IGFL2: variants seen among roughly 807,000 people sequenced by gnomAD.
The protein encoded by IGFL2 is IGF like family member 2, also known as insulin growth factor-like family member 2.
Under a neutral mutation model 13.9 loss-of-function variants are expected in IGFL2, and 7 were observed. The ratio of observed to expected loss-of-function variants is 0.51; its 90% CI spans 0.29 to 0.95. The LOEUF is 0.95. Among genes scored for constraint, IGFL2 ranks in the 40% least tolerant of loss-of-function variants. The pLI, the probability that IGFL2 is intolerant of heterozygous loss-of-function variation, is 0.08. For missense variants in IGFL2, 138 were observed against 147.8 expected (o/e 0.93, Z 0.34); for synonymous variants, 55 against 55.8 (o/e 0.99, Z 0.07).
the IGFL2 span, among the ~76,000 whole-genome samples, chr19:46,166,341 A>G: frequency 2.0e-5 from 3 of 152,088 alleles, no homozygotes; most frequent in African/African-American, 7.2e-5. Flanking sequence ...AAAACCAGCA[A>G]GTTTTTATTA....
the IGFL2 span, among the ~76,000 whole-genome samples, chr19:46,090,242 C>A: frequency 2.0e-5 from 3 of 152,288 alleles, no homozygotes; most frequent in African/African-American, 7.2e-5. Flanking sequence ...CTTATTCTAG[C>A]CACTTACTGT....
At chr19:46,086,160 T>G in the IGFL2 span, among the ~76,000 whole-genome samples, 1 of 152,132 alleles carries the variant, frequency 6.6e-6, no homozygotes, top group Admixed American at 6.5e-5. Flanking sequence ...AGAATTTATC[T>G]TTGGTTCTCT....
At chr19:46,141,547 C>G (rs1171569938), upstream of IGFL2, among the ~76,000 whole-genome samples, 2 of 152,154 alleles carry the variant, frequency 1.3e-5, no homozygotes, top group African/African-American at 4.8e-5. Flanking sequence ...GCCTTTCCCT[C>G]TAGCACCTTC....
chr19:46,164,341 C>G (rs544728086), downstream of IGFL2: 2 of 152,374 alleles, frequency 1.3e-5, no homozygotes, highest in East Asian at 3.9e-4. Context: ...GGTGGAGCAG[C>G]TGTGCTGTGC....
At chr19:46,167,858 G>A in the IGFL2 span, among the ~76,000 whole-genome samples, 2 of 152,180 alleles carry the variant, frequency 1.3e-5, no homozygotes, top group Admixed American at 6.5e-5. Flanking sequence ...CTGTCTGCAG[G>A]CCAGAAAGAG....
chr19:46,120,524 T>C, the IGFL2 span, among the ~76,000 whole-genome samples: 61 of 151,020 alleles, frequency 4.0e-4, 1 homozygote, highest in Admixed American at 1.9e-3. Context: ...AGCAGGAAGA[T>C]AGGACACCAC....
chr19:46,137,627 G>A, the IGFL2 span: 1 of 856,494 alleles, frequency 1.2e-6, no homozygotes, highest in Non-Finnish European at 1.9e-6. Flanking sequence ...CAGAGGAGCA[G>A]GACCCTGCGT....
chr19:46,092,544 A>G, the IGFL2 span, among the ~76,000 whole-genome samples: 2 of 152,036 alleles, frequency 1.3e-5, no homozygotes, highest in East Asian at 3.9e-4. Flanking sequence ...AGGTGGGAGA[A>G]TCACTTGAAC....
the IGFL2 span, among the ~76,000 whole-genome samples, chr19:46,175,648 C>T: frequency 6.6e-6 from 1 of 152,046 alleles, no homozygotes; most frequent in Non-Finnish European, 1.5e-5. Context: ...AAGTGATTCT[C>T]CTGCCTCAGC....
the IGFL2 span, among the ~76,000 whole-genome samples, chr19:46,130,340 A>G: frequency 6.6e-6 from 1 of 152,300 alleles, no homozygotes; most frequent in Non-Finnish European, 1.5e-5. Flanking sequence ...TCCTGAACTA[A>G]GTGGGTGAAG....
At chr19:46,082,649 A>G in the IGFL2 span, among the ~76,000 whole-genome samples, 1 of 149,394 alleles carries the variant, frequency 6.7e-6, no homozygotes, top group East Asian at 2.0e-4. Flanking sequence ...TTTTTTGAAG[A>G]CACTCCACTC....
the IGFL2 span, among the ~76,000 whole-genome samples, chr19:46,092,649 A>T: frequency 1.6e-4 from 24 of 145,870 alleles, no homozygotes; most frequent in African/African-American, 5.3e-4. Flanking sequence ...CAAAAAAAAA[A>T]TTTTTTTTTT....
At chr19:46,172,346 G>A in the IGFL2 span, among the ~76,000 whole-genome samples, 1 of 152,110 alleles carries the variant, frequency 6.6e-6, no homozygotes, top group African/African-American at 2.4e-5. Flanking sequence ...TAAAACATGG[G>A]AAAATGATAA....
rs1974152999 is a variant in IGFL2, at chr19:46,161,272, A to G, written c.*184A>G. The G allele has an allele frequency of 1.7e-6, 1 of 580,676 alleles. No homozygotes were observed. The highest frequency in any genetic ancestry group is 3.0e-5 in the Admixed American group (1 of 33,250). The allele number at this position is 580,676 out of a possible 1,614,324, so 36.0% of individuals were successfully genotyped here. On this transcript the variant is annotated 3_prime_UTR_variant, in exon 4 of 4. Coordinates refer to ENST00000377693, the MANE Select transcript of IGFL2 (RefSeq NM_001135113.2). ...CAGTAGATTATCAGGAAATAAATAAAGTGGTTTTTCCAATGTACACACCTG... is the reference window on the plus strand; with the variant it reads ...CAGTAGATTATCAGGAAATAAATAAGGTGGTTTTTCCAATGTACACACCTG...
the IGFL2 span, chr19:46,181,201 A>C: frequency 3.2e-5 from 1 of 30,850 alleles, no homozygotes; most frequent in African/African-American, 5.6e-5. Context: ...TTTCTGTTTT[A>C]TTTATTTATT....
At chr19:46,124,750 T>A in the IGFL2 span, 1 of 1,005,920 alleles carries the variant, frequency 9.9e-7, no homozygotes. Context: ...GTAAGTTTAC[T>A]GATTGGATGG....
chr19:46,085,558 G>T, the IGFL2 span, among the ~76,000 whole-genome samples: 1 of 152,044 alleles, frequency 6.6e-6, no homozygotes, highest in African/African-American at 2.4e-5. Flanking sequence ...GTATACAGTT[G>T]GGTCTTGCTT....
the IGFL2 span, among the ~76,000 whole-genome samples, chr19:46,105,993 G>T: frequency 6.6e-6 from 1 of 152,056 alleles, no homozygotes; most frequent in Non-Finnish European, 1.5e-5. Flanking sequence ...GGATTTATGG[G>T]GTCAGCTAAG....
At chr19:46,079,488 C>T in the IGFL2 span, among the ~76,000 whole-genome samples, 1,256 of 152,282 alleles carry the variant, frequency 8.2e-3, 18 homozygotes, top group African/African-American at 0.029. Context: ...CCTGTTTGCA[C>T]CCCTATAGCC....
Sources: gnomAD v4.1 joint callset for allele counts (sites outside exome capture counted in the v4.1 genomes callset) on GRCh38, gnomAD v4.1.1 for gene constraint, MANE v1.5 for transcripts, NCBI Gene and HGNC (gene_info 2026-07-23, HGNC 2026-07-21) for gene names.